The following NIPA1 variants were observed in gnomAD, a reference collection of about 807,000 sequenced individuals.
NIPA1 encodes magnesium transporter NIPA1.
A neutral mutation model predicts 23.9 loss-of-function variants in NIPA1; 13 were observed. The ratio of observed to expected loss-of-function variants is 0.54; its 90% CI spans 0.35 to 0.87. The LOEUF (loss-of-function observed/expected upper bound fraction) is 0.87. NIPA1 is among the 40% of genes least tolerant of loss of function. The probability of loss-of-function intolerance (pLI) is 0.01; values close to 1 mark genes in which losing one functional copy is unlikely to be tolerated. For missense variants in NIPA1, 362 were observed against 429.7 expected (o/e 0.84, Z 1.39); for synonymous variants, 234 against 202.9 (o/e 1.15, Z -1.30).
At chr15:22,812,487 A>G (rs940297455) in intron 3 of NIPA1, among the ~76,000 whole-genome samples, 1 of 152,080 alleles carries the variant, frequency 6.6e-6, no homozygotes, top group African/African-American at 2.4e-5. Context: ...CCCTGTCTCT[A>G]CTAACAATAT....
At chr15:22,812,473 G>GA (rs906534011) in intron 3 of NIPA1, among the ~76,000 whole-genome samples, 1 of 152,082 alleles carries the variant, frequency 6.6e-6, no homozygotes, top group Non-Finnish European at 1.5e-5. Context: ...CCAACATGGT[G>GA]AAACCCTGTC....
intron 4 of NIPA1, 25 bp downstream of exon 4, chr15:22,820,498 C>T: frequency 1.2e-6 from 2 of 1,605,176 alleles, no homozygotes; most frequent in Middle Eastern, 3.3e-4. Context: ...GCAGCACTGC[C>T]AAGAAAGTTT....
chr15:22,795,571 G>T (rs550448502), intron 1 of NIPA1, among the ~76,000 whole-genome samples: 1 of 152,092 alleles, frequency 6.6e-6, no homozygotes, highest in East Asian at 1.9e-4. Flanking sequence ...TCCCTTGGAC[G>T]CCCTTACAGC....
chr15:22,795,221 G>A (rs1299528135), intron 1 of NIPA1, among the ~76,000 whole-genome samples: 1 of 152,056 alleles, frequency 6.6e-6, no homozygotes, highest in East Asian at 1.9e-4. Flanking sequence ...CGTGAGAGTC[G>A]GGAGTCTTTG....
At position 22,820,300 on chromosome 15, in the gene NIPA1, T is replaced by A. The variant is rs756281310; in HGVS notation, c.318-13T>A. ...TGGTTTAAACTTTAATGATTTCTCT[T>A]TTTTCAATAAAGGTCCATTTTAGCT... is the stretch of plus-strand genomic sequence containing the variant. On this transcript the variant is annotated splice_polypyrimidine_tract_variant and intron_variant, in intron 3 of 4. Coordinates refer to ENST00000337435, the MANE Select transcript of NIPA1 (RefSeq NM_144599.5). 8 of 1,594,434 alleles carry A rather than the reference T, an allele frequency of 5.0e-6. No homozygotes were observed. The highest frequency in any genetic ancestry group is 6.9e-6 in the Non-Finnish European group (8 of 1,162,146).
chr15:22,791,819 C>A (rs900294441), intron 1 of NIPA1, among the ~76,000 whole-genome samples: 1 of 152,196 alleles, frequency 6.6e-6, no homozygotes, highest in Admixed American at 6.5e-5. Context: ...CACAGTACAA[C>A]TCCCAGTAGT....
chr15:22,814,331 C>T (rs1305495166), intron 3 of NIPA1, among the ~76,000 whole-genome samples: 1 of 151,120 alleles, frequency 6.6e-6, no homozygotes, highest in Non-Finnish European at 1.5e-5. Context: ...GATCTCGGCT[C>T]ACTGCAAGCT....
intron 1 of NIPA1, among the ~76,000 whole-genome samples, chr15:22,803,503 C>CTT (rs35223839): frequency 0.071 from 4,962 of 69,506 alleles, 713 homozygotes; most frequent in East Asian, 0.4. Context: ...TTAAAAGTGC[C>CTT]TTTTTTTTTT....
chr15:22,818,022 A>T (rs1248726507), intron 3 of NIPA1, among the ~76,000 whole-genome samples: 1 of 152,188 alleles, frequency 6.6e-6, no homozygotes, highest in East Asian at 1.9e-4. Context: ...AGGAAAATAG[A>T]TAAATTCGAT....
chr15:22,793,907 A>C (rs1595630752), intron 1 of NIPA1, among the ~76,000 whole-genome samples: 1 of 151,982 alleles, frequency 6.6e-6, no homozygotes. Context: ...TGGGTTCTTT[A>C]TTCTGTCCCA....
chr15:22,823,279 A>T (rs1257345498), intron 4 of NIPA1, among the ~76,000 whole-genome samples: 1 of 144,846 alleles, frequency 6.9e-6, no homozygotes, highest in Non-Finnish European at 1.5e-5. Flanking sequence ...CAGTGGTTTG[A>T]TCTCGGCTCA....
At chr15:22,816,207 T>G (rs1465239947) in intron 3 of NIPA1, among the ~76,000 whole-genome samples, 18 of 97,734 alleles carry the variant, frequency 1.8e-4, no homozygotes, top group Admixed American at 1.6e-3. Flanking sequence ...TTTTTTTTTT[T>G]GAGACAGAGT....
intron 1 of NIPA1, among the ~76,000 whole-genome samples, chr15:22,805,532 C>T (rs888692339): frequency 2.0e-5 from 3 of 152,008 alleles, no homozygotes; most frequent in Non-Finnish European, 2.9e-5. Context: ...ACTAAAAATA[C>T]AAAAATTAGC....
intron 3 of NIPA1, among the ~76,000 whole-genome samples, chr15:22,815,636 CAAAG>C (rs969665567): frequency 3.1e-5 from 4 of 127,386 alleles, no homozygotes; most frequent in Non-Finnish European, 5.0e-5. Context: ...CCCAAAAAAA[CAAAG>C]AAAAGATAAA....
At chr15:22,795,837 G>T (rs527905201) in intron 1 of NIPA1, among the ~76,000 whole-genome samples, 2 of 152,150 alleles carry the variant, frequency 1.3e-5, no homozygotes, top group African/African-American at 2.4e-5. Context: ...TGGTGGTGCC[G>T]GAATGTGAAC....
At chr15:22,816,333 C>T (rs897199914) in intron 3 of NIPA1, among the ~76,000 whole-genome samples, 2 of 149,714 alleles carry the variant, frequency 1.3e-5, no homozygotes, top group African/African-American at 2.5e-5. Flanking sequence ...GGACTACAGG[C>T]GCGTACCACC....
chr15:22,807,226 T>A (rs1339907753), intron 1 of NIPA1, among the ~76,000 whole-genome samples: 1 of 152,162 alleles, frequency 6.6e-6, no homozygotes, highest in Admixed American at 6.5e-5. Context: ...TTTGACATTT[T>A]ATAAACTGCC....
At chr15:22,814,888 C>A (rs1895386877) in intron 3 of NIPA1, among the ~76,000 whole-genome samples, 1 of 152,272 alleles carries the variant, frequency 6.6e-6, no homozygotes, top group Admixed American at 6.5e-5. Context: ...TCAGTCTCAG[C>A]ACTGTTGATG....
At chr15:22,805,424 C>T (rs766576926) in intron 1 of NIPA1, among the ~76,000 whole-genome samples, 5 of 152,070 alleles carry the variant, frequency 3.3e-5, no homozygotes, top group East Asian at 3.9e-4. Context: ...CGGTGGCTCA[C>T]GCCTGTAATC....
Sources: allele counts gnomAD v4.1 joint callset (sites outside exome capture counted in the v4.1 genomes callset), GRCh38; gene constraint gnomAD v4.1.1; transcripts MANE v1.5; gene names NCBI Gene and HGNC (gene_info 2026-07-23, HGNC 2026-07-21).